Variants in CDYL2 observed in about 807,000 individuals in gnomAD.
CDYL2 encodes chromodomain Y like 2, also known as chromodomain Y-like protein 2.
A neutral mutation model predicts 49.4 loss-of-function variants in CDYL2; 23 were observed. The ratio of observed to expected loss-of-function variants is 0.47; its 90% CI spans 0.34 to 0.66. The LOEUF (loss-of-function observed/expected upper bound fraction) is 0.66, where lower values mean the gene tolerates loss of function less well. Among genes scored for constraint, CDYL2 ranks in the 30% least tolerant of loss-of-function variants. The probability of loss-of-function intolerance (pLI) is 0.01; values close to 1 mark genes in which losing one functional copy is unlikely to be tolerated. For missense variants in CDYL2, 678 were observed against 656.4 expected (o/e 1.03, Z -0.36); for synonymous variants, 360 against 268.8 (o/e 1.34, Z -3.32).
chr16:80,702,183 A>AACACACACACACACACACACAC (rs35071485), intron 1 of CDYL2, among the ~76,000 whole-genome samples: 115 of 142,860 alleles, frequency 8.0e-4, no homozygotes, highest in African/African-American at 2.9e-3. Flanking sequence ...GAAGGCCTAA[A>AACACACACACACACACACACAC]ACACACACAC....
chr16:80,731,683 T>A (rs1905331064), intron 1 of CDYL2, among the ~76,000 whole-genome samples: 2 of 152,128 alleles, frequency 1.3e-5, no homozygotes, highest in Admixed American at 1.3e-4. Flanking sequence ...GAAGCAATCT[T>A]TCAAAATCTT....
At chr16:80,771,090 C>G (rs891033436) in intron 1 of CDYL2, among the ~76,000 whole-genome samples, 3 of 152,150 alleles carry the variant, frequency 2.0e-5, no homozygotes, top group Non-Finnish European at 4.4e-5. Context: ...TCTGAACTCC[C>G]CAGAAAAGAA....
chr16:80,671,709 G>A (rs980376943), intron 2 of CDYL2, among the ~76,000 whole-genome samples: 3 of 152,188 alleles, frequency 2.0e-5, no homozygotes, highest in Non-Finnish European at 4.4e-5. Flanking sequence ...AAACGATACC[G>A]AGGCTCCTCT....
At chr16:80,705,796 CTTTA>C (rs1429752926) in intron 1 of CDYL2, among the ~76,000 whole-genome samples, 1 of 152,244 alleles carries the variant, frequency 6.6e-6, no homozygotes, top group Non-Finnish European at 1.5e-5. Context: ...TCCAATAAAA[CTTTA>C]TTTATAAAAA....
intron 2 of CDYL2, among the ~76,000 whole-genome samples, chr16:80,655,212 G>A (rs1350990227): frequency 2.4e-4 from 36 of 152,186 alleles, no homozygotes; most frequent in Admixed American, 2.3e-3. Context: ...TTACAGATAA[G>A]GAAAAGTGAG....
At chr16:80,636,054 A>G (rs1220483737) in intron 2 of CDYL2, among the ~76,000 whole-genome samples, 1 of 152,216 alleles carries the variant, frequency 6.6e-6, no homozygotes, top group East Asian at 1.9e-4. Context: ...GCCTTATAGA[A>G]AAATTAACTC....
At chr16:80,636,661 C>A (rs1024538243) in intron 2 of CDYL2, among the ~76,000 whole-genome samples, 7 of 152,156 alleles carry the variant, frequency 4.6e-5, no homozygotes, top group African/African-American at 1.4e-4. Flanking sequence ...CCTCAAGGAT[C>A]TAGAACTAGA....
At chr16:80,795,207 T>C (rs1027811862) in intron 1 of CDYL2, among the ~76,000 whole-genome samples, 7 of 152,162 alleles carry the variant, frequency 4.6e-5, no homozygotes, top group African/African-American at 1.4e-4. Flanking sequence ...GAATCTGTAG[T>C]ATGGCAATGT....
At chr16:80,797,099 T>A (rs1413109806) in intron 1 of CDYL2, among the ~76,000 whole-genome samples, 1 of 152,224 alleles carries the variant, frequency 6.6e-6, no homozygotes, top group African/African-American at 2.4e-5. Flanking sequence ...AGACCCCTCC[T>A]CATGTTTACA....
chr16:80,740,291 A>G lies in CDYL2; in HGVS notation c.25-55162T>C, dbSNP rs569165606. On this transcript the variant is annotated intron_variant, in intron 1 of 6. Transcript: ENST00000570137. The stretch of plus-strand genomic sequence containing the variant: ...GTAGCCCATGATCCTACTGAGATAT[A>G]TTCTCATTCTTTATTTTCACTTCTA... 2.6e-4 allele frequency among the ~76,000 whole-genome samples: 39 copies of G among 152,268 alleles called. No homozygotes were observed. The South Asian group carries it at 8.1e-3, about 32-fold the overall frequency.
chr16:80,793,196 G>A (rs1318866203), intron 1 of CDYL2, among the ~76,000 whole-genome samples: 3 of 152,164 alleles, frequency 2.0e-5, no homozygotes, highest in East Asian at 3.9e-4. Flanking sequence ...GAGTAGAAAG[G>A]CAAAGGTGCA....
intron 1 of CDYL2, among the ~76,000 whole-genome samples, chr16:80,750,855 A>T (rs987048997): frequency 4.6e-5 from 7 of 151,992 alleles, no homozygotes; most frequent in African/African-American, 1.7e-4. Flanking sequence ...CGTCTCTACT[A>T]AAAAAATACA....
intron 1 of CDYL2, among the ~76,000 whole-genome samples, chr16:80,713,293 C>G (rs1315593458): frequency 6.6e-6 from 1 of 152,216 alleles, no homozygotes; most frequent in Non-Finnish European, 1.5e-5. Flanking sequence ...GTGAGAGGCT[C>G]TGAGAACAGT....
intron 1 of CDYL2, among the ~76,000 whole-genome samples, chr16:80,713,185 C>A (rs974038433): frequency 6.6e-6 from 1 of 152,186 alleles, no homozygotes; most frequent in Non-Finnish European, 1.5e-5. Flanking sequence ...ATGCCCTGTG[C>A]AATGTCTGCT....
At chr16:80,677,390 T>C (rs12933489) in intron 2 of CDYL2, among the ~76,000 whole-genome samples, 1 of 152,180 alleles carries the variant, frequency 6.6e-6, no homozygotes, top group Non-Finnish European at 1.5e-5. Flanking sequence ...TTGAGTGGCA[T>C]GGAGTTAGTC....
intron 1 of CDYL2, among the ~76,000 whole-genome samples, chr16:80,742,495 T>TGGATGGAG (rs1357351316): frequency 1.4e-5 from 2 of 147,372 alleles, no homozygotes. Flanking sequence ...GATGGATGGA[T>TGGATGGAG]GAATAGATGG....
At chr16:80,761,266 C>G (rs1156254622) in intron 1 of CDYL2, among the ~76,000 whole-genome samples, 2 of 152,198 alleles carry the variant, frequency 1.3e-5, no homozygotes, top group African/African-American at 2.4e-5. Context: ...GGTTACCAGG[C>G]AGCCATCTGG....
intron 4 of CDYL2, among the ~76,000 whole-genome samples, chr16:80,617,279 C>A (rs138128126): frequency 1.3e-5 from 2 of 152,168 alleles, no homozygotes; most frequent in Non-Finnish European, 1.5e-5. Flanking sequence ...CAAGGCCATG[C>A]GGCATGCCTG....
Position 80,613,508 on chromosome 16 carries a change from A to T in CDYL2, c.1008-672T>A, listed in dbSNP as rs1330945317. ...TGCCAGACTCATCAAGGGTGGTTCT[A>T]AAATGCTGAATATGTTAGGATGGCT... On this transcript the variant is annotated intron_variant, in intron 4 of 6. Transcript: ENST00000570137. 2.6e-5 allele frequency among the ~76,000 whole-genome samples: 4 copies of T among 152,164 alleles called. 1 individual carries two copies. In the East Asian group the frequency reaches 7.7e-4, roughly 29 times the overall value.
Sources: allele counts gnomAD v4.1 joint callset (sites outside exome capture counted in the v4.1 genomes callset), GRCh38; gene constraint gnomAD v4.1.1; transcripts MANE v1.5; gene names NCBI Gene and HGNC (gene_info 2026-07-23, HGNC 2026-07-21).